SGCZ: variants seen among roughly 807,000 people sequenced by gnomAD.
The protein encoded by SGCZ is sarcoglycan zeta, also known as zeta-sarcoglycan.
A neutral mutation model predicts 41.3 loss-of-function variants in SGCZ; 40 were observed. The observed-to-expected ratio is 0.97, with a 90% CI of 0.75 to 1.26. The LOEUF is 1.26. SGCZ is among the 50% of genes most tolerant of loss of function. The probability of loss-of-function intolerance (pLI) is 0.00; values close to 1 mark genes in which losing one functional copy is unlikely to be tolerated. For missense variants in SGCZ, 552 were observed against 369.8 expected (o/e 1.49, Z -4.04); for synonymous variants, 206 against 137.5 (o/e 1.50, Z -3.49).
chr8:14,951,638 A>G (rs983760685), intron 1 of SGCZ, among the ~76,000 whole-genome samples: 2 of 152,068 alleles, frequency 1.3e-5, no homozygotes, highest in Non-Finnish European at 2.9e-5. Context: ...AGCATATACT[A>G]TGACTAAATG....
intron 2 of SGCZ, among the ~76,000 whole-genome samples, chr8:14,530,370 T>C (rs1803088761): frequency 6.6e-6 from 1 of 152,126 alleles, no homozygotes; most frequent in Admixed American, 6.6e-5. Context: ...TTATTTATAA[T>C]TTAAACTTTA....
intron 1 of SGCZ, among the ~76,000 whole-genome samples, chr8:15,229,296 T>C (rs1048146685): frequency 4.6e-5 from 7 of 152,182 alleles, no homozygotes; most frequent in African/African-American, 1.7e-4. Flanking sequence ...CTAAAAAGGA[T>C]TTTAATAATT....
At chr8:14,840,083 C>A (rs771397181) in intron 1 of SGCZ, among the ~76,000 whole-genome samples, 13 of 152,018 alleles carry the variant, frequency 8.6e-5, no homozygotes, top group Admixed American at 3.9e-4. Flanking sequence ...ATTAATAAAA[C>A]ACTGTTACAA....
intron 1 of SGCZ, among the ~76,000 whole-genome samples, chr8:14,884,492 G>C (rs1457595500): frequency 6.6e-6 from 1 of 151,826 alleles, no homozygotes; most frequent in Non-Finnish European, 1.5e-5. Context: ...AGATGGTAAA[G>C]ACCTAACATA....
At chr8:14,356,637 A>T (rs1001537704) in intron 2 of SGCZ, among the ~76,000 whole-genome samples, 2 of 151,994 alleles carry the variant, frequency 1.3e-5, no homozygotes, top group South Asian at 2.1e-4. Context: ...AAAAAATGAA[A>T]ATCTTTACCC....
chr8:14,735,753 A>G (rs889488419), intron 1 of SGCZ, among the ~76,000 whole-genome samples: 11 of 152,144 alleles, frequency 7.2e-5, no homozygotes, highest in African/African-American at 2.7e-4. Flanking sequence ...TGACTGATAC[A>G]TACCTACTAA....
chr8:14,323,090 AGTATATTAGAAGCT>A (rs1446398285), intron 3 of SGCZ, among the ~76,000 whole-genome samples: 1 of 152,142 alleles, frequency 6.6e-6, no homozygotes, highest in East Asian at 1.9e-4. Context: ...GAGTCAATAC[AGTATATTAGAAGCT>A]GTATCAGTTT....
intron 2 of SGCZ, among the ~76,000 whole-genome samples, chr8:14,405,200 T>C (rs1311369032): frequency 6.6e-6 from 1 of 152,220 alleles, no homozygotes; most frequent in Admixed American, 6.5e-5. Context: ...CCGTGTTAAA[T>C]CACCTCCGTT....
At chr8:14,113,979 T>C (rs1171265683) in intron 5 of SGCZ, among the ~76,000 whole-genome samples, 5 of 152,042 alleles carry the variant, frequency 3.3e-5, no homozygotes, top group African/African-American at 4.8e-5. Context: ...TGTGAAACAT[T>C]TTCTTGGTTC....
At chr8:15,171,916 G>A (rs1799841611) in intron 1 of SGCZ, among the ~76,000 whole-genome samples, 1 of 152,090 alleles carries the variant, frequency 6.6e-6, no homozygotes, top group Non-Finnish European at 1.5e-5. Context: ...AGAGGTCACT[G>A]ACAGCCAAGT....
intron 1 of SGCZ, among the ~76,000 whole-genome samples, chr8:14,677,773 T>A (rs894684734): frequency 1.3e-5 from 2 of 151,992 alleles, no homozygotes; most frequent in Non-Finnish European, 2.9e-5. Context: ...TCCGTCTAAA[T>A]AAATAAATAC....
At chr8:14,791,796 A>C (rs938288435) in intron 1 of SGCZ, among the ~76,000 whole-genome samples, 1 of 152,206 alleles carries the variant, frequency 6.6e-6, no homozygotes, top group African/African-American at 2.4e-5. Context: ...GTTCTGAATC[A>C]TCAGTAAATT....
At chr8:14,329,724 G>T (rs11203599) in intron 2 of SGCZ, among the ~76,000 whole-genome samples, 1 of 152,030 alleles carries the variant, frequency 6.6e-6, no homozygotes, top group Non-Finnish European at 1.5e-5. Flanking sequence ...TTATAAAACA[G>T]ACTCTTCCAG....
intron 1 of SGCZ, among the ~76,000 whole-genome samples, chr8:15,112,493 T>C (rs1465851431): frequency 1.3e-5 from 2 of 152,236 alleles, no homozygotes; most frequent in South Asian, 4.1e-4. Flanking sequence ...TCTCTTCCTA[T>C]TGAGACATAG....
chr8:15,156,588 T>C (rs1462611223), intron 1 of SGCZ, among the ~76,000 whole-genome samples: 4 of 152,166 alleles, frequency 2.6e-5, no homozygotes, highest in Non-Finnish European at 5.9e-5. Flanking sequence ...AAAACGTCCA[T>C]TATCTCGTTG....
intron 1 of SGCZ, among the ~76,000 whole-genome samples, chr8:14,980,767 G>A (rs1801635519): frequency 6.6e-6 from 1 of 152,092 alleles, no homozygotes; most frequent in African/African-American, 2.4e-5. Flanking sequence ...CCCACAACAT[G>A]TGAGGATTAT....
intron 1 of SGCZ, among the ~76,000 whole-genome samples, chr8:15,147,862 A>G (rs947503475): frequency 7.9e-5 from 12 of 152,340 alleles, no homozygotes; most frequent in African/African-American, 2.6e-4. Flanking sequence ...TATGAATTAT[A>G]TATGTCTCTG....
intron 1 of SGCZ, among the ~76,000 whole-genome samples, chr8:15,007,164 A>G (rs62495395): frequency 0.016 from 2,481 of 152,238 alleles, 31 homozygotes; most frequent in Non-Finnish European, 0.022. Context: ...AAAACATAAA[A>G]GCTCCATTAT....
At chr8:14,481,741 A>T (rs1032319200) in intron 2 of SGCZ, among the ~76,000 whole-genome samples, 4 of 152,170 alleles carry the variant, frequency 2.6e-5, no homozygotes, top group African/African-American at 9.7e-5. Flanking sequence ...AAATTTAAAA[A>T]ATTAAAAACT....
Sources: allele counts gnomAD v4.1 joint callset (sites outside exome capture counted in the v4.1 genomes callset), GRCh38; gene constraint gnomAD v4.1.1; transcripts MANE v1.5; gene names NCBI Gene and HGNC (gene_info 2026-07-23, HGNC 2026-07-21).